The following SLIT2 variants were observed in gnomAD, a reference collection of about 807,000 sequenced individuals.
SLIT2 encodes the protein slit guidance ligand 2, also known as slit homolog 2 protein.
A neutral mutation model predicts 185.7 loss-of-function variants in SLIT2; 41 were observed. That is an observed-to-expected ratio of 0.22 (90% CI 0.17 to 0.29). SLIT2 has a LOEUF of 0.29. Ranked by LOEUF, SLIT2 falls within the 10% of genes least tolerant of loss-of-function variation. SLIT2 has a pLI of 1.00. For synonymous variants in SLIT2, 693 were observed against 680.2 expected (o/e 1.02, Z -0.29); for missense variants, 1,571 against 1,909.0 (o/e 0.82, Z 3.30).
At chr4:20,268,482 A>G (rs1030926182) in intron 3 of SLIT2, among the ~76,000 whole-genome samples, 2 of 151,752 alleles carry the variant, frequency 1.3e-5, no homozygotes, top group African/African-American at 4.8e-5. Context: ...TTTCTGCTGG[A>G]TATTGAAGTC....
At chr4:20,599,493 A>C (rs1223017434) in intron 33 of SLIT2, among the ~76,000 whole-genome samples, 1 of 152,168 alleles carries the variant, frequency 6.6e-6, no homozygotes, top group Non-Finnish European at 1.5e-5. Flanking sequence ...AAAAGATCTA[A>C]ATTTTTACAT....
At chr4:20,600,977 G>A (rs1246029299) in intron 33 of SLIT2, among the ~76,000 whole-genome samples, 1 of 151,588 alleles carries the variant, frequency 6.6e-6, no homozygotes, top group African/African-American at 2.4e-5. Context: ...AGAAAGAAAG[G>A]AAGCAATGAA....
At chr4:20,432,668 G>A (rs568055963) in intron 4 of SLIT2, among the ~76,000 whole-genome samples, 3 of 152,216 alleles carry the variant, frequency 2.0e-5, no homozygotes, top group South Asian at 2.1e-4. Context: ...TTCTCACAAC[G>A]TGATGTAAGG....
intron 4 of SLIT2, among the ~76,000 whole-genome samples, chr4:20,446,771 T>C (rs1711848197): frequency 6.6e-6 from 1 of 152,204 alleles, no homozygotes; most frequent in Non-Finnish European, 1.5e-5. Context: ...TTCACATTAT[T>C]AACTATTAAC....
intron 4 of SLIT2, among the ~76,000 whole-genome samples, chr4:20,454,929 C>A (rs561332220): frequency 6.6e-6 from 1 of 151,918 alleles, no homozygotes; most frequent in East Asian, 1.9e-4. Context: ...ATCTTTAGAA[C>A]AAATAAGAAG....
chr4:20,524,141 A>AT lies in SLIT2; in HGVS notation c.1404dup (p.Gly469TrpfsTer13). On this transcript the variant is annotated frameshift_variant, in exon 14 of 37. Coordinates refer to ENST00000504154, the MANE Select transcript of SLIT2 (RefSeq NM_004787.4). LOFTEE classifies it high-confidence loss of function. ...CCCCCGCCGCCTGGCAAACAAAAGA[A>AT]TTGGACAGATCAAAAGCAAGAAATT... 1 of 1,614,184 alleles carries AT rather than the reference A, an allele frequency of 6.2e-7. No homozygotes were observed. The highest frequency in any genetic ancestry group is 1.1e-5 in the South Asian group (1 of 91,084).
At chr4:20,526,151 A>G (rs150868816) in intron 15 of SLIT2, among the ~76,000 whole-genome samples, 1 of 152,262 alleles carries the variant, frequency 6.6e-6, no homozygotes, top group African/African-American at 2.4e-5. Flanking sequence ...GAGTTAGTCT[A>G]ACTTTCCATA....
Position 20,472,484 on chromosome 4 carries a change from CTA to C in SLIT2, c.467+4668_467+4669del, listed in dbSNP as rs1171537168. On this transcript the variant is annotated intron_variant, in intron 5 of 36. Coordinates refer to ENST00000504154, the MANE Select transcript of SLIT2 (RefSeq NM_004787.4). The stretch of plus-strand genomic sequence containing the variant: ...TCTATATCTATATATAGATATATAT[CTA>C]TATATAGATATATATCTATATATAG... Among the ~76,000 whole-genome samples the C allele has an allele frequency of 2.1e-3, 31 of 14,694 alleles. 7 individuals are homozygous for C. The highest frequency in any genetic ancestry group is 4.1e-3 in the African/African-American group (11 of 2,664). 9.6% of individuals were successfully genotyped at this position (14,694 alleles called of 152,430 possible).
chr4:20,256,112 A>G (rs975131289), intron 1 of SLIT2, among the ~76,000 whole-genome samples: 1 of 152,244 alleles, frequency 6.6e-6, no homozygotes, highest in Non-Finnish European at 1.5e-5. Context: ...TTAAGTTTTA[A>G]TACAAACAGA....
At chr4:20,457,255 A>C (rs1219088070) in intron 4 of SLIT2, among the ~76,000 whole-genome samples, 1 of 152,032 alleles carries the variant, frequency 6.6e-6, no homozygotes, top group Non-Finnish European at 1.5e-5. Context: ...TATGTCAACA[A>C]GGCAGCTAAT....
chr4:20,316,655 G>T (rs1473166620), intron 4 of SLIT2, among the ~76,000 whole-genome samples: 1 of 151,160 alleles, frequency 6.6e-6, no homozygotes, highest in Non-Finnish European at 1.5e-5. Flanking sequence ...ATATAAATAT[G>T]TTTTATATAT....
At chr4:20,604,214 A>G (rs1728618138) in intron 33 of SLIT2, among the ~76,000 whole-genome samples, 1 of 152,244 alleles carries the variant, frequency 6.6e-6, no homozygotes, top group Admixed American at 6.5e-5. Context: ...ACTGTACAGT[A>G]TGTTCAAGTT....
At chr4:20,566,222 T>A (rs144277994) in intron 26 of SLIT2, among the ~76,000 whole-genome samples, 47 of 152,146 alleles carry the variant, frequency 3.1e-4, no homozygotes, top group African/African-American at 1.0e-3. Context: ...TCAATTAGAA[T>A]TATTGCTGCT....
At chr4:20,480,995 T>C (rs1047313517) in intron 6 of SLIT2, among the ~76,000 whole-genome samples, 4 of 152,082 alleles carry the variant, frequency 2.6e-5, no homozygotes, top group African/African-American at 9.7e-5. Flanking sequence ...GGTAAAATTG[T>C]GTAAGGTCAC....
At chr4:20,400,609 A>C (rs1229564773) in intron 4 of SLIT2, among the ~76,000 whole-genome samples, 1 of 151,612 alleles carries the variant, frequency 6.6e-6, no homozygotes, top group Non-Finnish European at 1.5e-5. Context: ...TAAATCTAGG[A>C]GTCATAAAAT....
chr4:20,526,787 A>C (rs923951616), intron 15 of SLIT2, among the ~76,000 whole-genome samples: 2 of 152,220 alleles, frequency 1.3e-5, no homozygotes, highest in African/African-American at 4.8e-5. Flanking sequence ...AGGACTCAAA[A>C]GGATCATTTG....
At chr4:20,611,183 G>A (rs1374833922) in intron 34 of SLIT2, among the ~76,000 whole-genome samples, 1 of 152,186 alleles carries the variant, frequency 6.6e-6, no homozygotes, top group Admixed American at 6.5e-5. Flanking sequence ...ATATTTTCAT[G>A]AGTTTCACAT....
At chr4:20,472,295 GATATATAGATCTATATATAGAT>G (rs1349214076) in intron 5 of SLIT2, among the ~76,000 whole-genome samples, 5 of 25,886 alleles carry the variant, frequency 1.9e-4, no homozygotes, top group East Asian at 2.5e-3. Flanking sequence ...TAGATATATA[GATATATAGATCTATATATAGAT>G]ATATATATCT....
intron 4 of SLIT2, among the ~76,000 whole-genome samples, chr4:20,397,826 C>T (rs966835991): frequency 4.6e-5 from 7 of 151,698 alleles, no homozygotes; most frequent in African/African-American, 1.7e-4. Flanking sequence ...TTTTTAATCA[C>T]ATGTGGTTGT....
Sources: allele counts gnomAD v4.1 joint callset (sites outside exome capture counted in the v4.1 genomes callset), GRCh38; gene constraint gnomAD v4.1.1; transcripts MANE v1.5; gene names NCBI Gene and HGNC (gene_info 2026-07-23, HGNC 2026-07-21).